Variants in PTPRT observed in about 807,000 individuals in gnomAD.
PTPRT encodes the protein protein tyrosine phosphatase receptor type T.
In PTPRT, 56 loss-of-function variants were observed where a neutral mutation model predicts 176.8. That is an observed-to-expected ratio of 0.32 (90% CI 0.26 to 0.40). The LOEUF (loss-of-function observed/expected upper bound fraction) is 0.40, where lower values mean the gene tolerates loss of function less well. Ranked by LOEUF, PTPRT falls within the 10% of genes least tolerant of loss-of-function variation. The probability of loss-of-function intolerance (pLI) is 1.00; values close to 1 mark genes in which losing one functional copy is unlikely to be tolerated. For synonymous variants in PTPRT, 783 were observed against 739.0 expected (o/e 1.06, Z -0.96); for missense variants, 1,540 against 1,908.2 (o/e 0.81, Z 3.60).
intron 7 of PTPRT, among the ~76,000 whole-genome samples, chr20:42,533,593 T>C (rs186144695): frequency 1.3e-5 from 2 of 152,356 alleles, no homozygotes; most frequent in Admixed American, 1.3e-4. Context: ...CTGCCATTAC[T>C]AGCTATGTAA....
intron 17 of PTPRT, among the ~76,000 whole-genome samples, chr20:42,147,022 T>C (rs1988897264): frequency 6.6e-6 from 1 of 152,172 alleles, no homozygotes; most frequent in Non-Finnish European, 1.5e-5. Context: ...CTCACCCCAC[T>C]GCATCCCCAG....
intron 7 of PTPRT, among the ~76,000 whole-genome samples, chr20:42,599,874 C>T (rs139016947): frequency 6.6e-6 from 1 of 152,108 alleles, no homozygotes; most frequent in Non-Finnish European, 1.5e-5. Flanking sequence ...TTCTGCCTGG[C>T]ACTCAAATTA....
At position 43,128,019 on chromosome 20, in the gene PTPRT, A is replaced by T. The variant is rs181271184; in HGVS notation, c.88+61627T>A. On this transcript the variant is annotated intron_variant, in intron 1 of 30. Transcript: ENST00000373187. ...ACTGCCATGGAATAATAAGAGCTTA[A>T]CAAAAAGCTACTCTTTCCATAGTAG... Among the ~76,000 whole-genome samples the T allele has an allele frequency of 6.2e-3, 948 of 152,302 alleles. 19 individuals are homozygous for T. Among genetic ancestry groups the T allele is most frequent in the Non-Finnish European group, 5.7e-3 (386 of 68,026 alleles).
intron 17 of PTPRT, among the ~76,000 whole-genome samples, chr20:42,158,010 C>T (rs1386646595): frequency 2.0e-5 from 3 of 152,160 alleles, no homozygotes; most frequent in Non-Finnish European, 4.4e-5. Flanking sequence ...CAGATGATTC[C>T]AGCCCCCAGC....
chr20:42,766,925 G>A (rs1011880193), intron 5 of PTPRT, among the ~76,000 whole-genome samples: 1 of 152,160 alleles, frequency 6.6e-6, no homozygotes, highest in Non-Finnish European at 1.5e-5. Context: ...GACTCTTTTG[G>A]CCATGATGGG....
At chr20:42,065,933 T>A in the PTPRT span, among the ~76,000 whole-genome samples, 5 of 151,614 alleles carry the variant, frequency 3.3e-5, no homozygotes, top group African/African-American at 1.2e-4. Context: ...AAATGTTTTT[T>A]AAGTATTAAG....
At chr20:42,908,251 A>G (rs206664) in intron 1 of PTPRT, among the ~76,000 whole-genome samples, 12,486 of 152,106 alleles carry the variant, frequency 0.082, 1,492 homozygotes, top group African/African-American at 0.26. Context: ...CAATTTCCTC[A>G]TCTAAGAAGA....
chr20:42,414,705 A>G (rs1159252065), intron 9 of PTPRT, among the ~76,000 whole-genome samples: 1 of 152,244 alleles, frequency 6.6e-6, no homozygotes, highest in Non-Finnish European at 1.5e-5. Context: ...GAAACTAGAA[A>G]TCTGAAGTAC....
At chr20:42,496,727 T>A (rs2071661153) in intron 7 of PTPRT, among the ~76,000 whole-genome samples, 1 of 151,812 alleles carries the variant, frequency 6.6e-6, no homozygotes, top group Non-Finnish European at 1.5e-5. Flanking sequence ...ACACACAACA[T>A]CTGCACAGTT....
chr20:42,722,260 C>T (rs1178760175), intron 6 of PTPRT, among the ~76,000 whole-genome samples: 1 of 152,150 alleles, frequency 6.6e-6, no homozygotes, highest in Non-Finnish European at 1.5e-5. Context: ...TGATGCCAAT[C>T]CTGCTGGTCT....
At chr20:42,626,118 C>T (rs2074285179) in intron 7 of PTPRT, among the ~76,000 whole-genome samples, 2 of 151,894 alleles carry the variant, frequency 1.3e-5, no homozygotes, top group Admixed American at 1.3e-4. Context: ...TTTTTCTAAG[C>T]CAAACATTTA....
At chr20:42,562,785 T>C (rs1050568260) in intron 7 of PTPRT, among the ~76,000 whole-genome samples, 13 of 152,238 alleles carry the variant, frequency 8.5e-5, no homozygotes, top group African/African-American at 3.1e-4. Flanking sequence ...GCTAAACATC[T>C]CCTCCAGGGC....
intron 9 of PTPRT, among the ~76,000 whole-genome samples, chr20:42,365,480 C>T (rs1260068611): frequency 2.0e-5 from 3 of 151,886 alleles, no homozygotes; most frequent in Non-Finnish European, 1.5e-5. Context: ...CCCACCCTAC[C>T]CCCACCACTA....
chr20:42,906,643 C>A (rs1159025374), intron 1 of PTPRT, among the ~76,000 whole-genome samples: 1 of 152,120 alleles, frequency 6.6e-6, no homozygotes, highest in East Asian at 1.9e-4. Flanking sequence ...GCTGTGAGAC[C>A]AGAGCCCTAC....
rs3787281 is a variant in PTPRT at position 42,075,482 on chromosome 20, T to C, written c.*5397A>G. ...TCCAGAGTGTTACTCCTGGTTGAGC[T>C]TGGTGCTGATGACCTGTTTACCCAG... On this transcript the variant is annotated 3_prime_UTR_variant, in exon 31 of 31. Transcript: ENST00000373187. 0.71 allele frequency: 157,283 copies of C among 220,800 alleles called. 57,026 individuals are homozygous for C. The highest frequency in any genetic ancestry group is 0.85 in the South Asian group (4,603 of 5,418). The allele number at this position is 220,800 out of a possible 1,614,324, so 13.7% of individuals were successfully genotyped here. A position where few individuals can be genotyped will look rare whatever the true frequency, so the allele number is the denominator to read the frequency against.
intron 5 of PTPRT, among the ~76,000 whole-genome samples, chr20:42,760,380 CTTT>C (rs754362528): frequency 4.9e-4 from 46 of 94,232 alleles, no homozygotes; most frequent in African/African-American, 1.8e-3. Context: ...TCTAAATCTG[CTTT>C]TTTTTTTTTT....
chr20:42,834,945 G>T (rs964104746), intron 2 of PTPRT, among the ~76,000 whole-genome samples: 7 of 152,120 alleles, frequency 4.6e-5, no homozygotes, highest in African/African-American at 1.7e-4. Flanking sequence ...ATGATTATCT[G>T]CTAGGCAAGA....
intron 6 of PTPRT, among the ~76,000 whole-genome samples, chr20:42,681,929 A>G (rs2075610858): frequency 6.6e-6 from 1 of 152,222 alleles, no homozygotes; most frequent in Non-Finnish European, 1.5e-5. Flanking sequence ...CAAAAGAAAA[A>G]TAAAAGAATG....
chr20:43,071,483 G>C (rs2011179441), intron 1 of PTPRT, among the ~76,000 whole-genome samples: 1 of 152,170 alleles, frequency 6.6e-6, no homozygotes, highest in African/African-American at 2.4e-5. Flanking sequence ...AGGGAACCCA[G>C]TTCAAGACAG....
Sources: gnomAD v4.1 joint callset for allele counts (sites outside exome capture counted in the v4.1 genomes callset) on GRCh38, gnomAD v4.1.1 for gene constraint, MANE v1.5 for transcripts, NCBI Gene and HGNC (gene_info 2026-07-23, HGNC 2026-07-21) for gene names.